GPC5: variants seen among roughly 807,000 people sequenced by gnomAD.
GPC5 encodes glypican-5.
A neutral mutation model predicts 53.9 loss-of-function variants in GPC5; 47 were observed. That is an observed-to-expected ratio of 0.87 (90% CI 0.69 to 1.11). GPC5 has a LOEUF of 1.11. Among genes scored for constraint, GPC5 ranks in the 50% most tolerant of loss-of-function variants. The pLI is 0.00. For synonymous variants in GPC5, 286 were observed against 263.3 expected (o/e 1.09, Z -0.84); for missense variants, 748 against 713.1 (o/e 1.05, Z -0.56).
At position 92,067,746 on chromosome 13, in the gene GPC5, C is replaced by G. The variant is rs76647774; in HGVS notation, c.1402-77084C>G. Among the ~76,000 whole-genome samples the G allele has an allele frequency of 6.4e-3, 975 of 152,084 alleles. 18 individuals are homozygous for G. The highest frequency in any genetic ancestry group is 0.022 in the African/African-American group (934 of 41,548). On this transcript the variant is annotated intron_variant, in intron 6 of 7. Transcript: ENST00000377067. Reference sequence around the variant, plus strand: ...GGCAATAATCTGCCCTTCTCTCTGTCTCTGCCTGTGTCTCCATCTCACACA... The same window carrying G: ...GGCAATAATCTGCCCTTCTCTCTGTGTCTGCCTGTGTCTCCATCTCACACA...
At chr13:91,736,968 A>ATTT (rs150498088) in intron 4 of GPC5, among the ~76,000 whole-genome samples, 7,080 of 150,268 alleles carry the variant, frequency 0.047, 243 homozygotes, top group Middle Eastern at 0.082. Flanking sequence ...TATTATTATT[A>ATTT]TTATTTTTGA....
At chr13:92,350,103 A>G (rs1030323753) in intron 7 of GPC5, among the ~76,000 whole-genome samples, 4 of 152,234 alleles carry the variant, frequency 2.6e-5, no homozygotes, top group Non-Finnish European at 5.9e-5. Context: ...ACTGTGATAC[A>G]TCACATTAAC....
chr13:91,811,508 A>G lies in GPC5; in HGVS notation c.1280+55088A>G, dbSNP rs185111024. The stretch of plus-strand genomic sequence containing the variant: ...TGTAGAGACAATGGAAGAACCTATA[A>G]GCTCTATTGGTGATGTAATTTTTTA... On this transcript the variant is annotated intron_variant, in intron 5 of 7. Transcript: ENST00000377067. Among the ~76,000 whole-genome samples the G allele has an allele frequency of 1.1e-4, 16 of 152,280 alleles. No homozygotes were observed. The East Asian group carries it at 2.7e-3, about 26-fold the overall frequency.
intron 6 of GPC5, among the ~76,000 whole-genome samples, chr13:91,966,591 T>C (rs2040182922): frequency 6.6e-6 from 1 of 152,228 alleles, no homozygotes; most frequent in Non-Finnish European, 1.5e-5. Flanking sequence ...AACTTAGGCA[T>C]GTTTATTCAT....
intron 2 of GPC5, among the ~76,000 whole-genome samples, chr13:91,650,254 C>T (rs1039642099): frequency 2.0e-5 from 3 of 152,090 alleles, no homozygotes; most frequent in Middle Eastern, 3.2e-3. Flanking sequence ...ACAGTGTCAT[C>T]CTACCCTTCA....
chr13:92,591,748 C>A (rs975140071), intron 7 of GPC5, among the ~76,000 whole-genome samples: 2 of 152,070 alleles, frequency 1.3e-5, no homozygotes, highest in Non-Finnish European at 1.5e-5. Flanking sequence ...TCAACTCCCC[C>A]ACCCCCCAAC....
intron 7 of GPC5, among the ~76,000 whole-genome samples, chr13:92,311,510 G>A (rs959874750): frequency 6.6e-6 from 1 of 152,192 alleles, no homozygotes; most frequent in African/African-American, 2.4e-5. Flanking sequence ...ACATACCCAA[G>A]ACTGGGTAAT....
chr13:91,581,217 T>C (rs1162822749), intron 2 of GPC5, among the ~76,000 whole-genome samples: 1 of 152,226 alleles, frequency 6.6e-6, no homozygotes, highest in Non-Finnish European at 1.5e-5. Context: ...TCTATGTGTG[T>C]GTCCAGTTTT....
chr13:92,221,879 A>T (rs891577463), intron 7 of GPC5, among the ~76,000 whole-genome samples: 3 of 152,148 alleles, frequency 2.0e-5, no homozygotes, highest in Non-Finnish European at 4.4e-5. Flanking sequence ...AAAAATGACA[A>T]TATACATTTA....
chr13:92,545,011 T>G (rs1882055005), intron 7 of GPC5, among the ~76,000 whole-genome samples: 1 of 152,122 alleles, frequency 6.6e-6, no homozygotes, highest in South Asian at 2.1e-4. Context: ...GTTGGTGTGC[T>G]GCACCCATTA....
chr13:92,200,999 A>G (rs867815484), intron 7 of GPC5, among the ~76,000 whole-genome samples: 1 of 147,098 alleles, frequency 6.8e-6, no homozygotes. Context: ...ACACACACAC[A>G]CACACACACA....
chr13:92,283,091 C>A (rs1339871160), intron 7 of GPC5, among the ~76,000 whole-genome samples: 1 of 152,078 alleles, frequency 6.6e-6, no homozygotes, highest in Non-Finnish European at 1.5e-5. Flanking sequence ...TGGTTGCAAT[C>A]CTGGTCTCTG....
At chr13:91,769,982 T>C (rs2037592331) in intron 5 of GPC5, among the ~76,000 whole-genome samples, 2 of 152,176 alleles carry the variant, frequency 1.3e-5, no homozygotes, top group South Asian at 2.1e-4. Flanking sequence ...CCACTTTAGA[T>C]GCCACTCACA....
intron 4 of GPC5, among the ~76,000 whole-genome samples, chr13:91,750,163 A>G (rs1210703840): frequency 6.6e-6 from 1 of 152,218 alleles, no homozygotes; most frequent in Admixed American, 6.5e-5. Flanking sequence ...AAATGGAGGC[A>G]CAGGGAACAA....
At chr13:92,379,525 T>A (rs1325822529) in intron 7 of GPC5, among the ~76,000 whole-genome samples, 1 of 151,072 alleles carries the variant, frequency 6.6e-6, no homozygotes, top group Non-Finnish European at 1.5e-5. Flanking sequence ...TTAGTTCCTC[T>A]CTGTTTCCTC....
intron 7 of GPC5, among the ~76,000 whole-genome samples, chr13:92,745,017 A>G (rs955096897): frequency 3.3e-5 from 5 of 152,050 alleles, no homozygotes; most frequent in African/African-American, 4.8e-5. Flanking sequence ...ATAATAATTC[A>G]TATCAATAAC....
intron 7 of GPC5, among the ~76,000 whole-genome samples, chr13:92,824,967 A>G (rs1160250394): frequency 1.3e-5 from 2 of 152,142 alleles, no homozygotes; most frequent in Admixed American, 6.6e-5. Context: ...TTCTTGTCCA[A>G]GGTGAAATAA....
At chr13:91,788,128 T>C (rs1298084107) in intron 5 of GPC5, among the ~76,000 whole-genome samples, 1 of 152,228 alleles carries the variant, frequency 6.6e-6, no homozygotes, top group East Asian at 1.9e-4. Flanking sequence ...AAACAACAAA[T>C]ATTTATTTCT....
chr13:92,283,263 A>G (rs906429859), intron 7 of GPC5, among the ~76,000 whole-genome samples: 1 of 152,202 alleles, frequency 6.6e-6, no homozygotes, highest in African/African-American at 2.4e-5. Context: ...AGACCTACAA[A>G]GAGACTTAGA....
Sources: gnomAD v4.1 joint callset for allele counts (sites outside exome capture counted in the v4.1 genomes callset) on GRCh38, gnomAD v4.1.1 for gene constraint, MANE v1.5 for transcripts, NCBI Gene and HGNC (gene_info 2026-07-23, HGNC 2026-07-21) for gene names.